Variants in CFAP299 observed in about 807,000 individuals in gnomAD.
CFAP299 encodes the protein cilia- and flagella-associated protein 299.
In CFAP299, 21 loss-of-function variants were observed where a neutral mutation model predicts 27.0. The observed-to-expected ratio is 0.78, with a 90% CI of 0.55 to 1.12. The LOEUF (loss-of-function observed/expected upper bound fraction) is 1.12, where lower values mean the gene tolerates loss of function less well. Ranked by LOEUF, CFAP299 falls within the 50% of genes most tolerant of loss-of-function variation. CFAP299 has a pLI of 0.00. For synonymous variants in CFAP299, 104 were observed against 98.1 expected (o/e 1.06, Z -0.36); for missense variants, 310 against 276.6 (o/e 1.12, Z -0.86).
At chr4:80,952,605 T>C (rs562588943) in intron 5 of CFAP299, among the ~76,000 whole-genome samples, 13 of 152,264 alleles carry the variant, frequency 8.5e-5, no homozygotes, top group Non-Finnish European at 1.8e-4. Context: ...TAAAAACAAA[T>C]ATGTCAAATT....
intron 3 of CFAP299, among the ~76,000 whole-genome samples, chr4:80,635,832 G>A (rs1739445559): frequency 6.6e-6 from 1 of 152,058 alleles, no homozygotes. Context: ...TAAAAATCAT[G>A]GGCCCTCACA....
chr4:80,423,547 G>A (rs1727389721), intron 2 of CFAP299, among the ~76,000 whole-genome samples: 1 of 152,200 alleles, frequency 6.6e-6, no homozygotes, highest in African/African-American at 2.4e-5. Flanking sequence ...TCCAGACCCA[G>A]TGACTCCTGC....
In CFAP299 at chr4:80,362,889, G is replaced by A; in HGVS notation, c.242+5G>A. 6.3e-7 allele frequency: 1 copy of A among 1,599,948 alleles called. No homozygotes were observed. Among genetic ancestry groups the A allele is most frequent in the Non-Finnish European group, 8.5e-7 (1 of 1,176,132 alleles). On this transcript the variant is annotated splice_donor_5th_base_variant and intron_variant, in intron 2 of 5. Transcript: ENST00000358105. ...GGCTGAAAGAGCTCAGCAAAAGTAA[G>A]TGTCCATGTTCCAAATCCAGATTTT...
At chr4:80,415,053 C>A (rs1025370148) in intron 2 of CFAP299, among the ~76,000 whole-genome samples, 2 of 152,126 alleles carry the variant, frequency 1.3e-5, no homozygotes, top group African/African-American at 2.4e-5. Flanking sequence ...TAGATGGGGA[C>A]AACCTCATCC....
chr4:80,905,256 C>A (rs1735124223), intron 4 of CFAP299, among the ~76,000 whole-genome samples: 1 of 152,144 alleles, frequency 6.6e-6, no homozygotes, highest in Non-Finnish European at 1.5e-5. Flanking sequence ...TTTGACCACT[C>A]CAGTCCATCA....
intron 4 of CFAP299, among the ~76,000 whole-genome samples, chr4:80,883,842 T>TTTTG (rs59740725): frequency 1.6e-3 from 241 of 152,196 alleles, no homozygotes; most frequent in East Asian, 5.2e-3. Context: ...TAGTCCACTT[T>TTTTG]TTTGTTTGTT....
At chr4:80,494,085 ATTC>A (rs1377942336) in intron 2 of CFAP299, among the ~76,000 whole-genome samples, 1 of 152,120 alleles carries the variant, frequency 6.6e-6, no homozygotes, top group African/African-American at 2.4e-5. Flanking sequence ...TCTATCTCAT[ATTC>A]TTGAAGTTAG....
chr4:80,733,001 T>G, intron 3 of CFAP299, among the ~76,000 whole-genome samples: 1 of 152,184 alleles, frequency 6.6e-6, no homozygotes, highest in East Asian at 1.9e-4. Context: ...GTATAAATTG[T>G]GCTCACACTG....
chr4:80,851,904 T>G (rs371260922), intron 3 of CFAP299, among the ~76,000 whole-genome samples: 3 of 150,954 alleles, frequency 2.0e-5, no homozygotes, highest in Non-Finnish European at 4.4e-5. Context: ...GGCGATATGA[T>G]TTGTCAGGAA....
At chr4:80,801,465 G>T (rs1728595584) in intron 3 of CFAP299, among the ~76,000 whole-genome samples, 1 of 151,920 alleles carries the variant, frequency 6.6e-6, no homozygotes, top group Non-Finnish European at 1.5e-5. Flanking sequence ...AAAATGCATT[G>T]CCAATCATTA....
intron 2 of CFAP299, among the ~76,000 whole-genome samples, chr4:80,392,661 G>A (rs746365262): frequency 3.3e-5 from 5 of 152,020 alleles, no homozygotes; most frequent in Admixed American, 6.6e-5. Context: ...TCCCGGCCAC[G>A]CTGAGCTGTG....
intron 2 of CFAP299, among the ~76,000 whole-genome samples, chr4:80,539,217 T>C (rs1733886115): frequency 6.6e-6 from 1 of 152,226 alleles, no homozygotes; most frequent in Non-Finnish European, 1.5e-5. Flanking sequence ...CTTCCTGTTC[T>C]AAAATTTATA....
chr4:80,629,338 TC>T (rs1739086223), intron 3 of CFAP299, among the ~76,000 whole-genome samples: 1 of 152,060 alleles, frequency 6.6e-6, no homozygotes, highest in Non-Finnish European at 1.5e-5. Context: ...GAGATGTTGG[TC>T]AAAGAATATA....
chr4:80,710,003 A>G (rs948600082), intron 3 of CFAP299, among the ~76,000 whole-genome samples: 3 of 152,204 alleles, frequency 2.0e-5, no homozygotes, highest in Non-Finnish European at 4.4e-5. Flanking sequence ...GCTGCTTAAT[A>G]TCTGTATGCC....
intron 3 of CFAP299, among the ~76,000 whole-genome samples, chr4:80,797,277 C>A (rs1727921658): frequency 6.6e-6 from 1 of 152,162 alleles, no homozygotes; most frequent in South Asian, 2.1e-4. Flanking sequence ...GCTTCCACTT[C>A]ATTCAAAGGG....
chr4:80,654,330 G>A (rs952188856), intron 3 of CFAP299, among the ~76,000 whole-genome samples: 25 of 152,156 alleles, frequency 1.6e-4, no homozygotes, highest in African/African-American at 5.5e-4. Context: ...TTATTGGTCT[G>A]GAAGATTTCT....
chr4:80,759,873 G>A (rs1725453554), intron 3 of CFAP299, among the ~76,000 whole-genome samples: 1 of 151,734 alleles, frequency 6.6e-6, no homozygotes, highest in African/African-American at 2.4e-5. Context: ...CTCCTTAAAC[G>A]TGTTTTTTTT....
intron 2 of CFAP299, among the ~76,000 whole-genome samples, chr4:80,429,389 G>A (rs768121273): frequency 3.7e-4 from 56 of 152,262 alleles, no homozygotes; most frequent in Middle Eastern, 3.4e-3. Flanking sequence ...TATATCTTAT[G>A]TATCTTAGTA....
chr4:80,878,627 T>C (rs948400040), intron 4 of CFAP299, among the ~76,000 whole-genome samples: 8 of 152,142 alleles, frequency 5.3e-5, no homozygotes, highest in Admixed American at 1.3e-4. Flanking sequence ...TTTCTGTTTT[T>C]TTCTTTAAAA....
Sources: allele counts gnomAD v4.1 joint callset (sites outside exome capture counted in the v4.1 genomes callset), GRCh38; gene constraint gnomAD v4.1.1; transcripts MANE v1.5; gene names NCBI Gene and HGNC (gene_info 2026-07-23, HGNC 2026-07-21).